NDUFS7: variants seen among roughly 807,000 people sequenced by gnomAD.
The protein encoded by NDUFS7 is NADH:ubiquinone oxidoreductase core subunit S7.
In NDUFS7, 11 loss-of-function variants were observed where a neutral mutation model predicts 31.1. The observed-to-expected ratio is 0.35, with a 90% CI of 0.22 to 0.59. The LOEUF (loss-of-function observed/expected upper bound fraction) is 0.59. Among genes scored for constraint, NDUFS7 ranks in the 20% least tolerant of loss-of-function variants. NDUFS7 has a pLI of 0.79. For missense variants in NDUFS7, 263 were observed against 324.2 expected (o/e 0.81, Z 1.45); for synonymous variants, 136 against 127.9 (o/e 1.06, Z -0.43).
In NDUFS7 at chr19:1,393,410, G is replaced by C; in HGVS notation, c.544+80G>C. On this transcript the variant is annotated intron_variant, in intron 7 of 7. Transcript: ENST00000233627. The surrounding 1 kb of genome is among the most constrained non-coding windows in gnomAD (Gnocchi z 7.3). Reference sequence around the variant, plus strand: ...ACGGAGCCCGGCGGCCCCTGTGAGGGAGTCCCACACCCCCAGCAGACGGCG... The same window carrying C: ...ACGGAGCCCGGCGGCCCCTGTGAGGCAGTCCCACACCCCCAGCAGACGGCG... 8.2e-7 allele frequency: 1 copy of C among 1,214,994 alleles called. No individual in the cohort carries two copies. Among genetic ancestry groups the C allele is most frequent in the Non-Finnish European group, 1.2e-6 (1 of 852,130 alleles). The allele number at this position is 1,214,994 out of a possible 1,614,324, so 75.3% of individuals were successfully genotyped here.
chr19:1,391,675 C>A (rs1036878738), intron 6 of NDUFS7, among the ~76,000 whole-genome samples: 1 of 149,714 alleles, frequency 6.7e-6, no homozygotes, highest in African/African-American at 2.5e-5. Flanking sequence ...TTAGTAGAGA[C>A]GGGGTTTTAC....
In NDUFS7 at chr19:1,393,430, A is replaced by G. The variant is rs114313924; in HGVS notation, c.544+100A>G. The G allele has an allele frequency of 2.4e-3, 2,393 of 996,138 alleles. 44 individuals carry two copies. In the African/African-American group the frequency reaches 0.034, roughly 14 times the overall value. The allele number at this position is 996,138 out of a possible 1,614,324, so 61.7% of individuals were successfully genotyped here. ...TGAGGGAGTCCCACACCCCCAGCAG[A>G]CGGCGGGCTCCCCCATCCTATGGAT... is the stretch of plus-strand genomic sequence containing the variant. On this transcript the variant is annotated intron_variant, in intron 7 of 7. Coordinates refer to ENST00000233627, the MANE Select transcript of NDUFS7 (RefSeq NM_024407.5). This position sits in a 1 kb window ranked among gnomAD's most constrained non-coding sequence, Gnocchi z 7.3.
intron 1 of NDUFS7, among the ~76,000 whole-genome samples, chr19:1,385,411 G>A (rs960051234): frequency 1.3e-5 from 2 of 152,098 alleles, no homozygotes; most frequent in Non-Finnish European, 2.9e-5. Flanking sequence ...CTACTGGGGG[G>A]CTGGGGCAAG....
At chr19:1,390,640 G>A (rs1245559533) in intron 4 of NDUFS7, 5 of 601,394 alleles carry the variant, frequency 8.3e-6, no homozygotes, top group Non-Finnish European at 1.2e-5. Flanking sequence ...TATGTGATGA[G>A]GACAGATCTC....
intron 1 of NDUFS7, among the ~76,000 whole-genome samples, chr19:1,384,666 G>T (rs1396188457): frequency 6.6e-6 from 1 of 152,190 alleles, no homozygotes; most frequent in Non-Finnish European, 1.5e-5. Flanking sequence ...ACTGTGATTT[G>T]GAAGGAGTGA....
At chr19:1,389,902 CTTTTCT>C in intron 4 of NDUFS7, 2 of 200,842 alleles carry the variant, frequency 1.0e-5, no homozygotes, top group East Asian at 1.5e-4. Flanking sequence ...TTTTTCTTTT[CTTTTCT>C]TTTTTTTTTT....
intron 1 of NDUFS7, among the ~76,000 whole-genome samples, chr19:1,385,164 A>G (rs2082499157): frequency 6.6e-6 from 1 of 152,214 alleles, no homozygotes; most frequent in African/African-American, 2.4e-5. Flanking sequence ...ACAAAGACAT[A>G]TATATTTTTT....
At chr19:1,384,196 C>A (rs2082492813) in intron 1 of NDUFS7, 1 of 506,740 alleles carries the variant, frequency 2.0e-6, no homozygotes, top group Non-Finnish European at 3.4e-6. Context: ...GGAAGGCGCT[C>A]GGGGTGGAGG....
Position 1,388,619 on chromosome 19 carries a change from C to T in NDUFS7, c.122+26C>T, listed in dbSNP as rs376280861. 27 of 1,601,150 alleles carry T rather than the reference C, an allele frequency of 1.7e-5. No individual in the cohort carries two copies. The African/African-American group carries it at 2.1e-4, about 13-fold the overall frequency. ...GTGAAGCTGGCCTTCTGGGGGAGGTCGTACCCCCTCGCCCCACCCCCATCC... is the reference window on the plus strand; with the variant it reads ...GTGAAGCTGGCCTTCTGGGGGAGGTTGTACCCCCTCGCCCCACCCCCATCC... On this transcript the variant is annotated intron_variant, in intron 3 of 7. Coordinates refer to ENST00000233627, the MANE Select transcript of NDUFS7 (RefSeq NM_024407.5).
At chr19:1,389,870 T>A (rs868748718) in intron 4 of NDUFS7, 6 of 273,616 alleles carry the variant, frequency 2.2e-5, no homozygotes, top group Middle Eastern at 1.3e-3. Flanking sequence ...AGGATAGTTT[T>A]TAATGCAGGA....
intron 4 of NDUFS7, chr19:1,389,192 CAT>C (rs1030533708): frequency 2.2e-5 from 15 of 690,648 alleles, no homozygotes; most frequent in East Asian, 5.5e-5. Flanking sequence ...CACACAAGCA[CAT>C]GTGCACACAC....
At chr19:1,389,313 A>G (rs771099489) in intron 4 of NDUFS7, 1 of 477,704 alleles carries the variant, frequency 2.1e-6, no homozygotes, top group Non-Finnish European at 4.1e-6. Context: ...ACAGTCATGC[A>G]CACACATGCA....
chr19:1,384,068 A>C (rs2082491792), intron 1 of NDUFS7, 126 bp downstream of exon 1: 7 of 1,080,326 alleles, frequency 6.5e-6, no homozygotes, highest in Non-Finnish European at 8.8e-6. Context: ...GGCTTCTCCG[A>C]GCCGGCCGCT....
At chr19:1,387,761 C>T (rs756685360) in intron 1 of NDUFS7, 50 bp from the exon 2 acceptor site, 1 of 1,595,558 alleles carries the variant, frequency 6.3e-7, no homozygotes, top group Non-Finnish European at 8.6e-7. Flanking sequence ...GAGGCCGGCC[C>T]TGCGTGCTGC....
At chr19:1,389,183 ACAC>A (rs1246640814) in intron 4 of NDUFS7, 2 of 693,046 alleles carry the variant, frequency 2.9e-6, no homozygotes, top group African/African-American at 3.5e-5. Flanking sequence ...ACACATGCAC[ACAC>A]AAGCACATGT....
At chr19:1,389,711 G>A (rs946547340) in intron 4 of NDUFS7, 6 of 352,488 alleles carry the variant, frequency 1.7e-5, no homozygotes, top group Non-Finnish European at 2.3e-5. Flanking sequence ...GCGTGAGCAC[G>A]TGCAGCTCCC....
chr19:1,390,244 C>G (rs2240605), intron 4 of NDUFS7: 19,419 of 161,916 alleles, frequency 0.12, 2,345 homozygotes, highest in African/African-American at 0.29. Context: ...ACATGGCCAG[C>G]GGCCGTCCCA....
intron 4 of NDUFS7, chr19:1,390,626 G>A (rs370583660): frequency 2.2e-4 from 133 of 591,450 alleles, no homozygotes; most frequent in East Asian, 1.3e-3. Flanking sequence ...TGGGTTCGAG[G>A]AACTATGTGA....
At chr19:1,394,304 CAGAG>C (rs1165213744) in intron 7 of NDUFS7, 1 of 1,239,016 alleles carries the variant, frequency 8.1e-7, no homozygotes, top group African/African-American at 1.5e-5. Flanking sequence ...CTTGACAGCA[CAGAG>C]AGGTCCATCC....
Sources: gnomAD v4.1 joint callset for allele counts (sites outside exome capture counted in the v4.1 genomes callset) on GRCh38, gnomAD v4.1.1 for gene constraint, Gnocchi (gnomAD v3.1) non-coding constraint, MANE v1.5 for transcripts, NCBI Gene and HGNC (gene_info 2026-07-23, HGNC 2026-07-21) for gene names.